The following WASF2 variants were observed in gnomAD, a reference collection of about 807,000 sequenced individuals.
The protein encoded by WASF2 is actin-binding protein WASF2.
A neutral mutation model predicts 45.0 loss-of-function variants in WASF2; 14 were observed. That is an observed-to-expected ratio of 0.31 (90% CI 0.21 to 0.49). WASF2 has a LOEUF of 0.49. WASF2 is among the 20% of genes least tolerant of loss of function. The pLI, the probability that WASF2 is intolerant of heterozygous loss-of-function variation, is 0.99. For missense variants in WASF2, 439 were observed against 636.1 expected (o/e 0.69, Z 3.33); for synonymous variants, 200 against 236.3 (o/e 0.85, Z 1.41).
rs733899 is a variant in WASF2 at position 27,410,841 on chromosome 1, C to T, written c.825-635G>A. 0.032 allele frequency among the ~76,000 whole-genome samples: 4,860 copies of T among 152,266 alleles called. 252 individuals carry two copies. The highest frequency in any genetic ancestry group is 0.11 in the African/African-American group (4,584 of 41,528). Reference sequence around the variant, plus strand: ...CTGCAGAGATGGGAAATGAATGTGCCACCAGACTCCTGACCCAGGCCTGAA... The same window carrying T: ...CTGCAGAGATGGGAAATGAATGTGCTACCAGACTCCTGACCCAGGCCTGAA... On this transcript the variant is annotated intron_variant, in intron 7 of 8. Coordinates refer to ENST00000618852, the MANE Select transcript of WASF2 (RefSeq NM_006990.5). This position sits in a 1 kb window ranked among gnomAD's most constrained non-coding sequence, Gnocchi z 4.2.
intron 1 of WASF2, among the ~76,000 whole-genome samples, chr1:27,453,697 C>T (rs2017416853): frequency 6.6e-6 from 1 of 151,934 alleles, no homozygotes. Flanking sequence ...TTAAGACCAG[C>T]CTGGCCAACA....
chr1:27,483,111 A>C (rs2017874726), intron 1 of WASF2, among the ~76,000 whole-genome samples: 1 of 152,138 alleles, frequency 6.6e-6, no homozygotes, highest in South Asian at 2.1e-4. Context: ...GAGGTGGGCA[A>C]ATCACTTGAG....
chr1:27,463,421 C>T (rs879352628), intron 1 of WASF2, among the ~76,000 whole-genome samples: 2 of 151,502 alleles, frequency 1.3e-5, no homozygotes, highest in African/African-American at 2.4e-5. Flanking sequence ...GTCAGGAAAT[C>T]GAGACCATCC....
intron 1 of WASF2, among the ~76,000 whole-genome samples, chr1:27,470,340 T>C (rs899891779): frequency 1.2e-4 from 19 of 152,042 alleles, no homozygotes; most frequent in Admixed American, 7.9e-4. Flanking sequence ...CTAAGTTTAG[T>C]AGAAAAGAAT....
At chr1:27,435,876 T>A (rs1398198516) in intron 1 of WASF2, among the ~76,000 whole-genome samples, 1 of 152,254 alleles carries the variant, frequency 6.6e-6, no homozygotes, top group African/African-American at 2.4e-5. Context: ...CAGATTTCTA[T>A]GGTCACATCC....
At chr1:27,482,287 A>G (rs1571168796) in intron 1 of WASF2, among the ~76,000 whole-genome samples, 1 of 152,222 alleles carries the variant, frequency 6.6e-6, no homozygotes, top group East Asian at 1.9e-4. Flanking sequence ...GGAATTAAGG[A>G]CCACTGCCTT....
chr1:27,469,931 G>C (rs1209796507), intron 1 of WASF2, among the ~76,000 whole-genome samples: 1 of 151,954 alleles, frequency 6.6e-6, no homozygotes, highest in Admixed American at 6.6e-5. Context: ...GCGACAGAAT[G>C]AGACTCTGTG....
chr1:27,465,640 G>A (rs2017603605), intron 1 of WASF2, among the ~76,000 whole-genome samples: 1 of 152,202 alleles, frequency 6.6e-6, no homozygotes, highest in Admixed American at 6.5e-5. Flanking sequence ...AGACTAGGCA[G>A]AGGAAGCAAG....
At chr1:27,411,477 GAC>G (rs758184278) in intron 7 of WASF2, among the ~76,000 whole-genome samples, 58 of 152,306 alleles carry the variant, frequency 3.8e-4, no homozygotes, top group Non-Finnish European at 7.9e-4. Context: ...AAGAGGAAGT[GAC>G]TCTATGCTAG....
Position 27,454,153 on chromosome 1 carries a change from GTA to G in WASF2, c.-43-25222_-43-25221del, listed in dbSNP as rs869245464. Among the ~76,000 whole-genome samples, 462 of 98,558 alleles carry G rather than the reference GTA, an allele frequency of 4.7e-3. 3 individuals carry two copies. The highest frequency in any genetic ancestry group is 6.8e-3 in the Non-Finnish European group (362 of 53,120). The allele number at this position is 98,558 out of a possible 152,430, so 64.7% of individuals were successfully genotyped here. On this transcript the variant is annotated intron_variant, in intron 1 of 8. Transcript: ENST00000618852. ...TATATATATGTGTGTGTGTGTGTGT[GTA>G]TATATATATATATATATATATATAT... is the stretch of plus-strand genomic sequence containing the variant.
intron 2 of WASF2, among the ~76,000 whole-genome samples, chr1:27,424,532 T>G (rs2016950866): frequency 6.6e-6 from 1 of 150,672 alleles, no homozygotes; most frequent in African/African-American, 2.4e-5. Context: ...CTTCAACAAT[T>G]TTTTTTTTTT....
chr1:27,443,304 T>C, intron 1 of WASF2, among the ~76,000 whole-genome samples: 1 of 86,228 alleles, frequency 1.2e-5, no homozygotes, highest in Admixed American at 1.6e-4. Context: ...AGACACCGTC[T>C]CTTAAAAAAA....
intron 1 of WASF2, among the ~76,000 whole-genome samples, chr1:27,446,642 G>A (rs181461650): frequency 4.1e-4 from 62 of 152,152 alleles, no homozygotes; most frequent in African/African-American, 1.5e-3. Flanking sequence ...TTAGCCAGGC[G>A]TGGTGGTGCA....
At chr1:27,469,584 T>C (rs75672290) in intron 1 of WASF2, among the ~76,000 whole-genome samples, 3,174 of 152,290 alleles carry the variant, frequency 0.021, 104 homozygotes, top group African/African-American at 0.071. Context: ...AACCAGTTTC[T>C]GTTTCAGGAC....
In WASF2 at chr1:27,405,367, C is replaced by T. The variant is rs1306498770; in HGVS notation, c.*2822G>A. The T allele has an allele frequency of 1.3e-5, 2 of 152,278 alleles. No homozygotes were observed. Among genetic ancestry groups the T allele is most frequent in the African/African-American group, 4.8e-5 (2 of 41,440 alleles). 9.4% of individuals were successfully genotyped at this position (152,278 alleles called of 1,614,324 possible). The stretch of plus-strand genomic sequence containing the variant: ...TTCTGACACTATTGGAAGCTGGGCC[C>T]CAGGGCCACAGGAATGGGGGCAGGT... On this transcript the variant is annotated 3_prime_UTR_variant, in exon 9 of 9. Coordinates refer to ENST00000618852, the MANE Select transcript of WASF2 (RefSeq NM_006990.5).
chr1:27,443,269 G>A (rs1182292532), intron 1 of WASF2, among the ~76,000 whole-genome samples: 3 of 130,334 alleles, frequency 2.3e-5, no homozygotes, highest in African/African-American at 8.8e-5. Context: ...CCAGGAGTAA[G>A]AGGCCCACCC....
At chr1:27,477,410 C>T (rs182699460) in intron 1 of WASF2, among the ~76,000 whole-genome samples, 2 of 152,194 alleles carry the variant, frequency 1.3e-5, no homozygotes, top group East Asian at 3.9e-4. Flanking sequence ...CGTGTTGACA[C>T]ATGCCTACAA....
chr1:27,427,721 C>T (rs2017005259), intron 2 of WASF2, among the ~76,000 whole-genome samples: 1 of 152,182 alleles, frequency 6.6e-6, no homozygotes, highest in Non-Finnish European at 1.5e-5. Flanking sequence ...GGGCCTATTG[C>T]TATACGGGAG....
intron 1 of WASF2, among the ~76,000 whole-genome samples, chr1:27,464,217 T>A (rs561349907): frequency 6.6e-6 from 1 of 151,500 alleles, no homozygotes; most frequent in South Asian, 2.1e-4. Flanking sequence ...CCATCTCTAC[T>A]AAAAATAAAA....
Sources: gnomAD v4.1 joint callset for allele counts (sites outside exome capture counted in the v4.1 genomes callset) on GRCh38, gnomAD v4.1.1 for gene constraint, Gnocchi (gnomAD v3.1) non-coding constraint, MANE v1.5 for transcripts, NCBI Gene and HGNC (gene_info 2026-07-23, HGNC 2026-07-21) for gene names.